The following CHN1 variants were observed in gnomAD, a reference collection of about 807,000 sequenced individuals.
CHN1 encodes chimerin 1.
In CHN1, 37 loss-of-function variants were observed where a neutral mutation model predicts 59.5. The ratio of observed to expected loss-of-function variants is 0.62; its 90% CI spans 0.48 to 0.82. The LOEUF is 0.82. CHN1 is among the 40% of genes least tolerant of loss of function. The pLI, the probability that CHN1 is intolerant of heterozygous loss-of-function variation, is 0.00. For missense variants in CHN1, 469 were observed against 571.0 expected (o/e 0.82, Z 1.82); for synonymous variants, 206 against 200.4 (o/e 1.03, Z -0.24).
chr2:174,879,874 T>G (rs1687684015), intron 5 of CHN1, among the ~76,000 whole-genome samples: 2 of 152,182 alleles, frequency 1.3e-5, no homozygotes, highest in Non-Finnish European at 2.9e-5. Context: ...AGTCATTTAG[T>G]ACTCAATTGC....
chr2:174,834,834 T>C lies in CHN1; in HGVS notation c.628-10316A>G, dbSNP rs73973636. Among the ~76,000 whole-genome samples, 141 of 152,314 alleles carry C rather than the reference T, an allele frequency of 9.3e-4. 1 individual carries two copies. Among genetic ancestry groups the C allele is most frequent in the African/African-American group, 3.3e-3 (137 of 41,576 alleles). On this transcript the variant is annotated intron_variant, in intron 7 of 12. Transcript: ENST00000409900. ...TCTTTTAAACAAATGTGCATTGTATTCTTGAGTGTGAGTATGCACATTTAA... is the reference window on the plus strand; with the variant it reads ...TCTTTTAAACAAATGTGCATTGTATCCTTGAGTGTGAGTATGCACATTTAA...
chr2:174,836,698 C>T (rs1686092262), intron 7 of CHN1, among the ~76,000 whole-genome samples: 1 of 152,176 alleles, frequency 6.6e-6, no homozygotes, highest in African/African-American at 2.4e-5. Flanking sequence ...AGCTCCCAAT[C>T]CATGTGAATC....
At chr2:174,885,037 C>T (rs1189732778) in intron 5 of CHN1, among the ~76,000 whole-genome samples, 1 of 151,898 alleles carries the variant, frequency 6.6e-6, no homozygotes, top group Non-Finnish European at 1.5e-5. Context: ...CCTGTAATCC[C>T]AGCACTTTGG....
intron 2 of CHN1, among the ~76,000 whole-genome samples, chr2:174,949,750 C>A (rs549732485): frequency 6.6e-6 from 1 of 152,228 alleles, no homozygotes. Flanking sequence ...AAGAAAATTT[C>A]TAAAAAGGAT....
intron 8 of CHN1, among the ~76,000 whole-genome samples, chr2:174,816,678 T>G (rs1208596955): frequency 6.6e-6 from 1 of 152,172 alleles, no homozygotes; most frequent in African/African-American, 2.4e-5. Context: ...GTGCTTAGTC[T>G]GCCTTCCAAC....
chr2:174,987,541 G>A lies in CHN1; in HGVS notation c.19+17353C>T, dbSNP rs572500862. Among the ~76,000 whole-genome samples the A allele has an allele frequency of 1.5e-4, 23 of 151,958 alleles. No individual in the cohort carries two copies. The South Asian group carries it at 4.8e-3, about 32-fold the overall frequency. ...TCCTGCCTCAGCCTCCCGAGTAGCT[G>A]GGATAACAAGCGCCTACCACCACTA... On this transcript the variant is annotated intron_variant, in intron 1 of 12. Coordinates refer to ENST00000409900, the MANE Select transcript of CHN1 (RefSeq NM_001822.7).
chr2:174,906,598 T>C (rs1336546652), intron 5 of CHN1, among the ~76,000 whole-genome samples: 3 of 151,986 alleles, frequency 2.0e-5, no homozygotes, highest in Admixed American at 2.0e-4. Context: ...GCTATATAAC[T>C]GAAGAAACAG....
intron 1 of CHN1, among the ~76,000 whole-genome samples, chr2:174,973,718 G>C (rs1367947678): frequency 3.3e-5 from 5 of 152,168 alleles, no homozygotes; most frequent in Non-Finnish European, 7.3e-5. Flanking sequence ...GGTGAGAAGT[G>C]TGGGCCCTGG....
chr2:174,967,580 T>C (rs974063067), intron 1 of CHN1, among the ~76,000 whole-genome samples: 1 of 152,112 alleles, frequency 6.6e-6, no homozygotes, highest in African/African-American at 2.4e-5. Context: ...AAATTCCAGA[T>C]ATTAAAAAAA....
At chr2:174,952,288 C>A in intron 1 of CHN1, 86 bp from the exon 2 acceptor site, 1 of 822,926 alleles carries the variant, frequency 1.2e-6, no homozygotes, top group Non-Finnish European at 1.8e-6. Context: ...TAATATATAT[C>A]TGTTGAGATC....
At chr2:174,915,390 C>T (rs1558979941) in intron 4 of CHN1, 1 of 475,122 alleles carries the variant, frequency 2.1e-6, no homozygotes, top group Non-Finnish European at 3.8e-6. Flanking sequence ...CAAAGTACTA[C>T]CCAATCCAGT....
chr2:174,859,621 T>C (rs190849197), intron 6 of CHN1, among the ~76,000 whole-genome samples: 1 of 152,328 alleles, frequency 6.6e-6, no homozygotes, highest in African/African-American at 2.4e-5. Context: ...TACTATTTCA[T>C]TGTAACTTCC....
intron 8 of CHN1, 36 bp from the exon 9 acceptor site, chr2:174,812,518 T>C: frequency 6.2e-7 from 1 of 1,608,370 alleles, no homozygotes; most frequent in East Asian, 2.2e-5. Flanking sequence ...CATTCAATAT[T>C]ATTTTCAGAG....
chr2:174,984,203 G>T (rs1323531949), intron 1 of CHN1, among the ~76,000 whole-genome samples: 2 of 151,960 alleles, frequency 1.3e-5, no homozygotes, highest in Non-Finnish European at 2.9e-5. Flanking sequence ...GATGTCAGTG[G>T]ATGAATCTGC....
At chr2:174,940,976 GAAC>G (rs1305397742) in intron 3 of CHN1, among the ~76,000 whole-genome samples, 2 of 152,064 alleles carry the variant, frequency 1.3e-5, no homozygotes, top group Admixed American at 6.6e-5. Context: ...CTTCTGTAAA[GAAC>G]AACTGTATAT....
At chr2:174,973,586 C>T (rs1042177576) in intron 1 of CHN1, among the ~76,000 whole-genome samples, 2 of 152,224 alleles carry the variant, frequency 1.3e-5, no homozygotes, top group African/African-American at 4.8e-5. Flanking sequence ...CTGGGCACTT[C>T]ACTTCTGGGT....
intron 1 of CHN1, among the ~76,000 whole-genome samples, chr2:174,993,072 G>A (rs1691596733): frequency 1.3e-5 from 2 of 152,078 alleles, no homozygotes; most frequent in South Asian, 2.1e-4. Flanking sequence ...TTACAGGCAT[G>A]AGCCACCACA....
chr2:174,827,935 C>T (rs1236942616), intron 7 of CHN1, among the ~76,000 whole-genome samples: 1 of 152,044 alleles, frequency 6.6e-6, no homozygotes, highest in Non-Finnish European at 1.5e-5. Flanking sequence ...AAGGCTGACT[C>T]ATAAGAAAGA....
At chr2:174,969,978 T>C (rs1158871295) in intron 1 of CHN1, among the ~76,000 whole-genome samples, 3 of 152,190 alleles carry the variant, frequency 2.0e-5, no homozygotes, top group Non-Finnish European at 4.4e-5. Context: ...TACACTGACA[T>C]TTGTACTGGT....
Sources: gnomAD v4.1 joint callset for allele counts (sites outside exome capture counted in the v4.1 genomes callset) on GRCh38, gnomAD v4.1.1 for gene constraint, MANE v1.5 for transcripts, NCBI Gene and HGNC (gene_info 2026-07-23, HGNC 2026-07-21) for gene names.